Variants in RABGAP1L observed in about 807,000 individuals in gnomAD.
RABGAP1L encodes the protein RAB GTPase activating protein 1 like.
RABGAP1L carries 63 observed loss-of-function variants against 137.7 expected under a neutral mutation model. That is an observed-to-expected ratio of 0.46 (90% CI 0.37 to 0.56). The LOEUF (loss-of-function observed/expected upper bound fraction) is 0.56. RABGAP1L is among the 20% of genes least tolerant of loss of function. The probability of loss-of-function intolerance (pLI) is 0.00; values close to 1 mark genes in which losing one functional copy is unlikely to be tolerated. For synonymous variants in RABGAP1L, 431 were observed against 433.7 expected, an observed-to-expected ratio of 0.99 and a Z score of 0.08; for missense variants, 1,095 against 1,244.0, an observed-to-expected ratio of 0.88 and a Z score of 1.80.
At chr1:174,917,955 A>C (rs956097940) in intron 19 of RABGAP1L, among the ~76,000 whole-genome samples, 1 of 150,002 alleles carries the variant, frequency 6.7e-6, no homozygotes, top group African/African-American at 2.4e-5. Context: ...AAAAAAGCCC[A>C]AAAAACATGT....
At chr1:174,252,354 T>C in intron 6 of RABGAP1L, 126 bp from the exon 7 acceptor site, 1 of 1,144,528 alleles carries the variant, frequency 8.7e-7, no homozygotes, top group Non-Finnish European at 1.2e-6. Flanking sequence ...AGGTGAGAGT[T>C]TAGTATATCT....
At chr1:174,564,466 C>G in intron 13 of RABGAP1L, among the ~76,000 whole-genome samples, 1 of 152,122 alleles carries the variant, frequency 6.6e-6, no homozygotes, top group East Asian at 1.9e-4. Context: ...ATTATTATCA[C>G]CATTTTACAG....
chr1:174,662,522 A>T (rs1476317182), intron 14 of RABGAP1L, among the ~76,000 whole-genome samples: 1 of 151,626 alleles, frequency 6.6e-6, no homozygotes, highest in African/African-American at 2.4e-5. Context: ...GGCTCAAGTG[A>T]TTATCTTGCC....
intron 12 of RABGAP1L, among the ~76,000 whole-genome samples, chr1:174,391,597 C>T (rs577418178): frequency 3.6e-4 from 55 of 152,290 alleles, no homozygotes; most frequent in Non-Finnish European, 5.7e-4. Context: ...CTGCTTTGGC[C>T]TCCCAAAGTG....
chr1:174,353,401 A>G (rs1033050360), intron 11 of RABGAP1L, among the ~76,000 whole-genome samples: 1 of 152,064 alleles, frequency 6.6e-6, no homozygotes, highest in East Asian at 1.9e-4. Flanking sequence ...TGGCTGCCCT[A>G]CCTAGTGTCT....
chr1:174,314,549 G>T (rs1679189785), intron 11 of RABGAP1L, among the ~76,000 whole-genome samples: 1 of 151,800 alleles, frequency 6.6e-6, no homozygotes, highest in African/African-American at 2.4e-5. Flanking sequence ...TTTTGGGTTT[G>T]GTTTGCTTCT....
At chr1:174,945,651 G>T (rs1666618171) in intron 19 of RABGAP1L, 1 of 152,046 alleles carries the variant, frequency 6.6e-6, no homozygotes, top group African/African-American at 2.4e-5. Flanking sequence ...TGATCCAGCA[G>T]CAACTGCTGC....
At chr1:174,660,512 T>C (rs1400853460) in intron 14 of RABGAP1L, among the ~76,000 whole-genome samples, 1 of 152,240 alleles carries the variant, frequency 6.6e-6, no homozygotes, top group Non-Finnish European at 1.5e-5. Flanking sequence ...GTAACTACCC[T>C]GGTCTAAACT....
chr1:174,793,386 G>A (rs1688002190), intron 18 of RABGAP1L, among the ~76,000 whole-genome samples: 1 of 152,096 alleles, frequency 6.6e-6, no homozygotes, highest in African/African-American at 2.4e-5. Context: ...ATTTTACAAG[G>A]TTAGAGCATT....
intron 13 of RABGAP1L, among the ~76,000 whole-genome samples, chr1:174,459,439 G>A (rs1453262028): frequency 1.3e-5 from 2 of 152,078 alleles, no homozygotes; most frequent in Non-Finnish European, 2.9e-5. Context: ...TGTGGGATTG[G>A]TTCCGGGATG....
At chr1:174,767,807 A>G (rs909043844) in intron 18 of RABGAP1L, among the ~76,000 whole-genome samples, 1 of 152,210 alleles carries the variant, frequency 6.6e-6, no homozygotes, top group Non-Finnish European at 1.5e-5. Context: ...TTTACAAAAA[A>G]AAGGGGTTTA....
chr1:174,501,811 G>T (rs1431845780), intron 13 of RABGAP1L, among the ~76,000 whole-genome samples: 1 of 151,702 alleles, frequency 6.6e-6, no homozygotes, highest in African/African-American at 2.4e-5. Flanking sequence ...TAGGTTTTCA[G>T]TGGGGAAAAA....
At chr1:174,877,662 C>A in intron 19 of RABGAP1L, 1 of 1,539,662 alleles carries the variant, frequency 6.5e-7, no homozygotes, top group Non-Finnish European at 9.0e-7. Context: ...AACATGATAT[C>A]TATACTCCTG....
chr1:174,863,981 GA>G (rs1034831816), intron 19 of RABGAP1L, among the ~76,000 whole-genome samples: 15 of 151,042 alleles, frequency 9.9e-5, no homozygotes, highest in African/African-American at 1.2e-4. Flanking sequence ...CTCTGTCACA[GA>G]AAAAAAAAGT....
At chr1:174,953,228 A>G (rs966619084) in intron 19 of RABGAP1L, among the ~76,000 whole-genome samples, 6 of 152,222 alleles carry the variant, frequency 3.9e-5, no homozygotes, top group African/African-American at 1.2e-4. Context: ...TCAGTCTGAA[A>G]GAGTCATATA....
At chr1:174,402,085 G>T (rs1331717524) in intron 13 of RABGAP1L, among the ~76,000 whole-genome samples, 1 of 152,120 alleles carries the variant, frequency 6.6e-6, no homozygotes, top group African/African-American at 2.4e-5. Context: ...GATGCTAAAC[G>T]CTTCCTGAAG....
chr1:174,427,910 G>C (rs1044208772), intron 13 of RABGAP1L, among the ~76,000 whole-genome samples: 13 of 152,286 alleles, frequency 8.5e-5, no homozygotes, highest in African/African-American at 2.9e-4. Context: ...CCACTGCCTA[G>C]TGAAGAAGAT....
intron 5 of RABGAP1L, chr1:174,244,540 A>G (rs1349318487): frequency 6.6e-6 from 1 of 152,206 alleles, no homozygotes; most frequent in Admixed American, 6.5e-5. Flanking sequence ...CAACACTTGG[A>G]TGTGCTTCTG....
At chr1:174,862,476 G>A (rs1471910516) in intron 19 of RABGAP1L, among the ~76,000 whole-genome samples, 1 of 152,058 alleles carries the variant, frequency 6.6e-6, no homozygotes, top group African/African-American at 2.4e-5. Flanking sequence ...ATATAATTAA[G>A]TTTTTAAGTG....
Sources: allele counts gnomAD v4.1 joint callset (sites outside exome capture counted in the v4.1 genomes callset), GRCh38; gene constraint gnomAD v4.1.1; transcripts MANE v1.5; gene names NCBI Gene and HGNC (gene_info 2026-07-23, HGNC 2026-07-21).